SHPK: variants seen among roughly 807,000 people sequenced by gnomAD.
SHPK encodes the protein sedoheptulokinase.
A neutral mutation model predicts 46.3 loss-of-function variants in SHPK; 51 were observed. That is an observed-to-expected ratio of 1.10 (90% CI 0.88 to 1.39). The LOEUF is 1.39. SHPK is among the 40% of genes most tolerant of loss of function. The probability of loss-of-function intolerance (pLI) is 0.00; values close to 1 mark genes in which losing one functional copy is unlikely to be tolerated. For synonymous variants in SHPK, 290 were observed against 273.9 expected, an observed-to-expected ratio of 1.06 and a Z score of -0.58; for missense variants, 668 against 641.3, an observed-to-expected ratio of 1.04 and a Z score of -0.45.
intron 6 of SHPK, 72 bp downstream of exon 6, chr17:3,615,265 C>T (rs1262979582): frequency 3.4e-6 from 5 of 1,481,870 alleles, no homozygotes; most frequent in Admixed American, 1.7e-5. Context: ...CATGAAGCTC[C>T]GTGAAGCTCC....
chr17:3,616,381 C>T (rs1199794422), intron 5 of SHPK, among the ~76,000 whole-genome samples: 2 of 152,164 alleles, frequency 1.3e-5, no homozygotes, highest in South Asian at 2.1e-4. Context: ...GAGAACCTCA[C>T]GTGCCAGGGA....
chr17:3,618,820 G>T (rs973728804), intron 5 of SHPK, among the ~76,000 whole-genome samples: 13 of 152,102 alleles, frequency 8.5e-5, no homozygotes, highest in African/African-American at 3.1e-4. Flanking sequence ...CAGACATTTA[G>T]ATGGTTTATA....
At position 3,625,451 on chromosome 17, in the gene SHPK, G is replaced by A. The variant is rs78617148; in HGVS notation, c.311-1220C>T. On this transcript the variant is annotated intron_variant, in intron 2 of 6. Transcript: ENST00000225519. ...GAATCAGCCTTCAGGTAAGAAGTGC[G>A]ACTACGCCGAGGCCGCCATGCTGAG... is the stretch of plus-strand genomic sequence containing the variant. Among the ~76,000 whole-genome samples the A allele has an allele frequency of 9.7e-3, 1,482 of 152,228 alleles. 21 individuals are homozygous for A. The highest frequency in any genetic ancestry group is 0.013 in the Non-Finnish European group (906 of 68,014).
intron 5 of SHPK, 22 bp from the exon 6 acceptor site, chr17:3,615,559 G>T: frequency 1.2e-6 from 2 of 1,608,826 alleles, no homozygotes; most frequent in Non-Finnish European, 1.7e-6. Context: ...AGAGAGCAGA[G>T]CTTAGGCCTG....
Position 3,621,430 on chromosome 17 carries a change from A to G in SHPK, c.648-18T>C. 1 of 1,611,430 alleles carries G rather than the reference A, an allele frequency of 6.2e-7. No individual in the cohort carries two copies. ...TCCTCAGTCTGTAAAACAGAAGTGG[A>G]CACCCACATGGACCCACAGTTAGGT... is the stretch of plus-strand genomic sequence containing the variant. On this transcript the variant is annotated intron_variant, in intron 4 of 6. Coordinates refer to ENST00000225519, the MANE Select transcript of SHPK (RefSeq NM_013276.4).
At position 3,636,076 on chromosome 17, in the gene SHPK, G is replaced by T; in HGVS notation, c.144C>A (p.Val48=). Residue 48 remains valine (V), a synonymous_variant, in exon 1 of 7, where the codon GTC becomes GTA. Coordinates refer to ENST00000225519, the MANE Select transcript of SHPK (RefSeq NM_013276.4). Reference sequence around the variant, plus strand: ...CCTGGGGCCCGGCCACCGCGCTCTCGACCGCCGCCTCTGCCCGCGCAGCAC... The same window carrying T: ...CCTGGGGCCCGGCCACCGCGCTCTCTACCGCCGCCTCTGCCCGCGCAGCAC... ...CARAARAEAA[V]ESAVAGPQGR... 6.3e-7 allele frequency: 1 copy of T among 1,586,732 alleles called. No homozygotes were observed. The highest frequency in any genetic ancestry group is 1.1e-5 in the South Asian group (1 of 87,836).
At chr17:3,634,151 G>A (rs1438721574) in intron 1 of SHPK, among the ~76,000 whole-genome samples, 2 of 148,462 alleles carry the variant, frequency 1.3e-5, no homozygotes, top group African/African-American at 2.5e-5. Flanking sequence ...AGGGTCCTCT[G>A]CCTAGGAAAA....
At chr17:3,615,626 CG>C in intron 5 of SHPK, 89 bp from the exon 6 acceptor site, 1 of 1,116,246 alleles carries the variant, frequency 9.0e-7, no homozygotes, top group South Asian at 1.4e-5. Flanking sequence ...GGTGGCCTGT[CG>C]GGTTAACTCA....
At chr17:3,633,413 CA>C (rs2075485312) in intron 1 of SHPK, among the ~76,000 whole-genome samples, 1 of 151,066 alleles carries the variant, frequency 6.6e-6, no homozygotes, top group Non-Finnish European at 1.5e-5. Flanking sequence ...TCTAGTGGGC[CA>C]GAGATGTTGC....
chr17:3,626,895 C>CA (rs148597673), intron 2 of SHPK, among the ~76,000 whole-genome samples: 15,096 of 150,994 alleles, frequency 0.1, 2,542 homozygotes, highest in African/African-American at 0.35. Context: ...GACTCCATCT[C>CA]AAAAAAAATA....
At chr17:3,613,464 G>T (rs1355411849) in intron 6 of SHPK, among the ~76,000 whole-genome samples, 1 of 152,102 alleles carries the variant, frequency 6.6e-6, no homozygotes, top group Non-Finnish European at 1.5e-5. Context: ...TGCATCTCGG[G>T]TTCAAGTGAC....
At position 3,624,087 on chromosome 17, in the gene SHPK, C is replaced by A. The variant is rs768006601; in HGVS notation, c.455G>T (p.Gly152Val). Residue 152 changes from glycine (G) to valine (V), a missense_variant, in exon 3 of 7, where the codon GGC becomes GTC. Physicochemically the swap from Gly to Val is moderately radical, Grantham distance 109. Transcript: ENST00000225519. ...CCAGAAGATGGTTGCACAGCCGAAG[C>A]CCGTGGCCACACTGAGATGAGACTT... The part of the protein sequence containing the change: ...QPKSHLSVAT[G>V]FGCATIFWLL... 1.9e-6 allele frequency: 3 copies of A among 1,613,684 alleles called. No individual in the cohort carries two copies. The highest frequency in any genetic ancestry group is 2.7e-5 in the African/African-American group (2 of 74,928).
chr17:3,610,999 A>C, intron 6 of SHPK, 27 bp from the exon 7 acceptor site: 3 of 1,575,042 alleles, frequency 1.9e-6, no homozygotes, highest in Non-Finnish European at 2.6e-6. Context: ...AGATCTGTGT[A>C]AGCTCATGCG....
chr17:3,626,216 C>T (rs566758466), intron 2 of SHPK, among the ~76,000 whole-genome samples: 2 of 152,316 alleles, frequency 1.3e-5, no homozygotes, highest in Admixed American at 6.5e-5. Flanking sequence ...CTTAAAAGTT[C>T]ACTAGAATAT....
intron 2 of SHPK, among the ~76,000 whole-genome samples, chr17:3,625,414 G>T (rs559297647): frequency 6.6e-6 from 1 of 152,316 alleles, no homozygotes; most frequent in East Asian, 1.9e-4. Context: ...TCTTACACCA[G>T]TCTCTCTGGG....
At chr17:3,618,369 T>G (rs2456854) in intron 5 of SHPK, among the ~76,000 whole-genome samples, 22,095 of 152,068 alleles carry the variant, frequency 0.15, 1,642 homozygotes, top group South Asian at 0.25. Flanking sequence ...CCTCCCAAAG[T>G]GCGGGGATTA....
intron 5 of SHPK, among the ~76,000 whole-genome samples, chr17:3,619,035 C>CT (rs57225767): frequency 0.53 from 78,609 of 148,980 alleles, 21,151 homozygotes; most frequent in East Asian, 0.77. Context: ...CATGTTCTCA[C>CT]TTTTTTTTTT....
Position 3,630,324 on chromosome 17 carries a change from C to G in SHPK, c.191G>C (p.Arg64Thr), listed in dbSNP as rs770958590. The G allele has an allele frequency of 8.7e-6, 14 of 1,612,258 alleles. No homozygotes were observed. The East Asian group carries it at 3.1e-4, about 36-fold the overall frequency. The part of the protein sequence containing the change: ...GPQGREQDVS[R>T]ILQALHECLA... ...GCACTCGTGTAGGGCTTGGAGGATT[C>G]TACTCACATCCTGCTCCCGCCCCTG... Residue 64 changes from arginine to threonine, a missense_variant, in exon 2 of 7, where the codon AGA (arginine) becomes ACA (threonine). By Grantham distance (71) the Arg-to-Thr change is moderately conservative (BLOSUM62 -1). Coordinates refer to ENST00000225519, the MANE Select transcript of SHPK (RefSeq NM_013276.4).
chr17:3,619,205 C>A (rs750997639), intron 5 of SHPK: 14 of 494,064 alleles, frequency 2.8e-5, no homozygotes, highest in African/African-American at 8.1e-5. Context: ...CTTCAGCCTA[C>A]GTTGCAGCTA....
Sources: gnomAD v4.1 joint callset for allele counts (sites outside exome capture counted in the v4.1 genomes callset) on GRCh38, gnomAD v4.1.1 for gene constraint, MANE v1.5 for transcripts, NCBI Gene and HGNC (gene_info 2026-07-23, HGNC 2026-07-21) for gene names.